Variants in TESMIN observed in about 807,000 individuals in gnomAD.
TESMIN encodes testis expressed metallothionein like protein.
TESMIN carries 34 observed loss-of-function variants against 47.4 expected under a neutral mutation model. That is an observed-to-expected ratio of 0.72 (90% CI 0.55 to 0.96). The LOEUF (loss-of-function observed/expected upper bound fraction) is 0.96. Ranked by LOEUF, TESMIN falls within the 40% of genes least tolerant of loss-of-function variation. The probability of loss-of-function intolerance (pLI) is 0.00; values close to 1 mark genes in which losing one functional copy is unlikely to be tolerated. For missense variants in TESMIN, 610 were observed against 637.2 expected (o/e 0.96, Z 0.46); for synonymous variants, 278 against 258.9 (o/e 1.07, Z -0.71).
chr11:68,726,239 A>T (rs1946262259), intron 6 of TESMIN, among the ~76,000 whole-genome samples: 1 of 152,126 alleles, frequency 6.6e-6, no homozygotes, highest in African/African-American at 2.4e-5. Context: ...TGGCAAGGAA[A>T]TGTGTGTGTG....
At chr11:68,720,194 C>T (rs1163026560) in intron 6 of TESMIN, among the ~76,000 whole-genome samples, 3 of 152,168 alleles carry the variant, frequency 2.0e-5, no homozygotes, top group Non-Finnish European at 2.9e-5. Flanking sequence ...AGGCTAGGCA[C>T]ACTTCTTTTT....
chr11:68,745,249 G>T (rs1946504965), intron 3 of TESMIN, 138 bp from the exon 4 acceptor site: 4 of 511,734 alleles, frequency 7.8e-6, no homozygotes, highest in South Asian at 2.5e-5. Flanking sequence ...CTATAGATCT[G>T]TTTTCGATTT....
chr11:68,725,231 A>G (rs1946247092), intron 6 of TESMIN, among the ~76,000 whole-genome samples: 1 of 152,212 alleles, frequency 6.6e-6, no homozygotes, highest in Non-Finnish European at 1.5e-5. Context: ...GTTTTGCCAT[A>G]CATGGTGCTA....
At chr11:68,741,216 T>C (rs1946451788) in intron 5 of TESMIN, among the ~76,000 whole-genome samples, 1 of 152,062 alleles carries the variant, frequency 6.6e-6, no homozygotes, top group South Asian at 2.1e-4. Flanking sequence ...ATCCTCCCAG[T>C]GCCTTGACTT....
In TESMIN at chr11:68,750,337, G is replaced by C; in HGVS notation, c.324C>G (p.Asp108Glu). The C allele has an allele frequency of 6.6e-7, 1 of 1,504,076 alleles. No homozygotes were observed. Among genetic ancestry groups the C allele is most frequent in the Non-Finnish European group, 8.9e-7 (1 of 1,128,712 alleles). The allele number at this position is 1,504,076 out of a possible 1,614,324, so 93.2% of individuals were successfully genotyped here. A position where few individuals can be genotyped will look rare whatever the true frequency, so the allele number is the denominator to read the frequency against. ...PGIPELSALE[D>E]VALLQAPQPP... The stretch of plus-strand genomic sequence containing the variant: ...GCTGCGGGGCCTGCAGGAGCGCGAC[G>C]TCCTCCAGCGCGCTGAGCTCTGGGA... Residue 108 changes from aspartate (D) to glutamate (E), a missense_variant, in exon 2 of 10, where the codon GAC becomes GAG. Physicochemically the swap from Asp to Glu is conservative, Grantham distance 45 (BLOSUM62 2). Coordinates refer to ENST00000255087, the MANE Select transcript of TESMIN (RefSeq NM_004923.3).
chr11:68,738,024 G>C (rs187257404), intron 6 of TESMIN: 1 of 985,432 alleles, frequency 1.0e-6, no homozygotes, highest in African/African-American at 1.7e-5. Context: ...AGGGCTCAAC[G>C]AATGGAGAGG....
chr11:68,730,604 G>A (rs1946315347), intron 6 of TESMIN, among the ~76,000 whole-genome samples: 1 of 152,086 alleles, frequency 6.6e-6, no homozygotes, highest in African/African-American at 2.4e-5. Flanking sequence ...AGACCAGCCT[G>A]GCCAACATGG....
At chr11:68,723,706 T>C (rs968369197) in intron 6 of TESMIN, among the ~76,000 whole-genome samples, 1 of 152,054 alleles carries the variant, frequency 6.6e-6, no homozygotes, top group Admixed American at 6.5e-5. Context: ...AAGGCCATAA[T>C]TATAGATACA....
chr11:68,750,812 G>GGC (rs1946590955), intron 1 of TESMIN, 113 bp from the exon 2 acceptor site: 3 of 246,234 alleles, frequency 1.2e-5, no homozygotes, highest in African/African-American at 3.0e-5. Flanking sequence ...CCAGGGGAGG[G>GGC]GACCAGGTGA....
Position 68,750,417 on chromosome 11 carries a change from T to A in TESMIN, c.244A>T (p.Lys82Ter), listed in dbSNP as rs758333612. Reference protein sequence around the residue: ...GADCKGQVKAKLAGGDSDGGE... With the variant: ...GADCKGQVKA ...CCGTCGCTGTCGCCCCCCGCGAGCT[T>A]CGCCTTGACCTGGCCCTTGCAGTCG... Residue 82 changes from lysine to a stop codon, truncating the protein, a stop_gained, in exon 2 of 10, where the codon AAG becomes TAG. Coordinates refer to ENST00000255087, the MANE Select transcript of TESMIN (RefSeq NM_004923.3). LOFTEE classifies it high-confidence loss of function. 6.5e-7 allele frequency: 1 copy of A among 1,535,564 alleles called. No homozygotes were observed. The highest frequency in any genetic ancestry group is 2.4e-5 in the East Asian group (1 of 40,830).
At chr11:68,715,697 C>A in intron 7 of TESMIN, 140 bp downstream of exon 7, 1 of 637,796 alleles carries the variant, frequency 1.6e-6, no homozygotes, top group Non-Finnish European at 2.7e-6. Context: ...CCCCCACCGG[C>A]AGGAATCAAG....
downstream of TESMIN, among the ~76,000 whole-genome samples, chr11:68,707,148 T>C (rs536152635): frequency 6.6e-6 from 1 of 152,362 alleles, no homozygotes; most frequent in East Asian, 1.9e-4. Flanking sequence ...GAATTCAGTC[T>C]TCCTTTTCTC....
chr11:68,720,481 A>C (rs1946192042), intron 6 of TESMIN, among the ~76,000 whole-genome samples: 1 of 152,186 alleles, frequency 6.6e-6, no homozygotes, highest in Non-Finnish European at 1.5e-5. Flanking sequence ...TGGAAAACCC[A>C]GGGCTCTCTT....
intron 8 of TESMIN, among the ~76,000 whole-genome samples, 187 bp from the exon 9 acceptor site, chr11:68,711,236 AGTGTGTGTGGGGT>A (rs1353235008): frequency 6.8e-6 from 1 of 147,526 alleles, no homozygotes; most frequent in African/African-American, 2.5e-5. Flanking sequence ...TGTGTGTATG[AGTGTGTGTGGGGT>A]GTGTGTGTGT....
intron 6 of TESMIN, among the ~76,000 whole-genome samples, chr11:68,730,599 A>C (rs1946315304): frequency 6.6e-6 from 1 of 152,172 alleles, no homozygotes; most frequent in African/African-American, 2.4e-5. Context: ...GTTTGAGACC[A>C]GCCTGGCCAA....
chr11:68,707,376 A>G (rs1482765441), downstream of TESMIN: 1 of 158,074 alleles, frequency 6.3e-6, no homozygotes, highest in African/African-American at 2.4e-5. Context: ...TATTCTCTCA[A>G]TACATTTCAG....
rs371743300 is a variant in TESMIN at position 68,738,684 on chromosome 11, T to C, written c.917+16A>G. The C allele has an allele frequency of 6.2e-7, 1 of 1,613,678 alleles. No homozygotes were observed. Among genetic ancestry groups the C allele is most frequent in the Non-Finnish European group, 8.5e-7 (1 of 1,179,754 alleles). On this transcript the variant is annotated intron_variant, in intron 6 of 9. Transcript: ENST00000255087. ...TTATTACATTAGAGTGACAATGTAT[T>C]GCTTCTAATCCTTACCCAGCCAAAG...
intron 6 of TESMIN, among the ~76,000 whole-genome samples, chr11:68,722,582 CAA>C (rs1946215279): frequency 6.6e-6 from 1 of 151,758 alleles, no homozygotes; most frequent in South Asian, 2.1e-4. Flanking sequence ...ACAAAGAATG[CAA>C]ATAGATTAAA....
At chr11:68,721,015 G>GT (rs1946197324) in intron 6 of TESMIN, among the ~76,000 whole-genome samples, 1 of 151,372 alleles carries the variant, frequency 6.6e-6, no homozygotes, top group African/African-American at 2.4e-5. Flanking sequence ...CTGCTTCAGT[G>GT]TGCTTTTATT....
Sources: allele counts gnomAD v4.1 joint callset (sites outside exome capture counted in the v4.1 genomes callset), GRCh38; gene constraint gnomAD v4.1.1; transcripts MANE v1.5; gene names NCBI Gene and HGNC (gene_info 2026-07-23, HGNC 2026-07-21).